The following APBB2 variants were observed in gnomAD, a reference collection of about 807,000 sequenced individuals.
APBB2 encodes the protein amyloid beta precursor protein binding family B member 2, also known as Fe65-like 1.
A neutral mutation model predicts 82.5 loss-of-function variants in APBB2; 38 were observed. The ratio of observed to expected loss-of-function variants is 0.46; its 90% CI spans 0.36 to 0.60. The LOEUF (loss-of-function observed/expected upper bound fraction) is 0.60. APBB2 is among the 20% of genes least tolerant of loss of function. The pLI, the probability that APBB2 is intolerant of heterozygous loss-of-function variation, is 0.00. For missense variants in APBB2, 772 were observed against 972.3 expected (o/e 0.79, Z 2.74); for synonymous variants, 341 against 368.2 (o/e 0.93, Z 0.85).
At chr4:40,969,085 G>A (rs1291641122) in intron 6 of APBB2, among the ~76,000 whole-genome samples, 1 of 152,178 alleles carries the variant, frequency 6.6e-6, no homozygotes, top group Non-Finnish European at 1.5e-5. Flanking sequence ...ATGGAACTGT[G>A]AGTCCACTAA....
intron 3 of APBB2, among the ~76,000 whole-genome samples, chr4:41,071,316 T>C (rs148688268): frequency 4.5e-4 from 68 of 152,366 alleles, no homozygotes; most frequent in Non-Finnish European, 8.5e-4. Context: ...TAATATATTC[T>C]ATAATTCAAT....
intron 12 of APBB2, among the ~76,000 whole-genome samples, chr4:40,867,960 G>A (rs1439043104): frequency 2.0e-5 from 3 of 150,952 alleles, no homozygotes; most frequent in Admixed American, 2.0e-4. Context: ...TCCTCCTAGG[G>A]TCTTGAAAGG....
At chr4:40,906,875 G>C (rs1436452852) in intron 10 of APBB2, among the ~76,000 whole-genome samples, 1 of 152,148 alleles carries the variant, frequency 6.6e-6, no homozygotes, top group Non-Finnish European at 1.5e-5. Flanking sequence ...GTGGCAGAAA[G>C]GAGTGTCCCA....
chr4:40,898,880 C>CACAG (rs148917018), intron 10 of APBB2, among the ~76,000 whole-genome samples: 25,210 of 149,380 alleles, frequency 0.17, 2,208 homozygotes, highest in African/African-American at 0.2. Context: ...CACACACACA[C>CACAG]AGAACACTGG....
At chr4:40,927,230 G>C (rs1262215144) in intron 10 of APBB2, among the ~76,000 whole-genome samples, 1 of 152,064 alleles carries the variant, frequency 6.6e-6, no homozygotes, top group Non-Finnish European at 1.5e-5. Context: ...AAAGAACAAG[G>C]TTCTAAAAAC....
chr4:41,210,239 T>C (rs547641047), intron 1 of APBB2, among the ~76,000 whole-genome samples: 88 of 152,220 alleles, frequency 5.8e-4, no homozygotes, highest in African/African-American at 2.1e-3. Context: ...ACCTCTCTCC[T>C]CGAATGGCTG....
intron 6 of APBB2, among the ~76,000 whole-genome samples, chr4:40,957,149 T>G (rs771430198): frequency 6.6e-6 from 1 of 152,232 alleles, no homozygotes; most frequent in Admixed American, 6.5e-5. Flanking sequence ...GCCGGGCACA[T>G]AGTAATCACT....
chr4:40,962,308 G>A (rs1416125180), intron 6 of APBB2, among the ~76,000 whole-genome samples: 2 of 152,048 alleles, frequency 1.3e-5, no homozygotes, highest in African/African-American at 4.8e-5. Flanking sequence ...CAAAATTCCA[G>A]GAAAGAACCA....
At chr4:40,824,583 G>C (rs1249816971) in intron 15 of APBB2, among the ~76,000 whole-genome samples, 1 of 152,050 alleles carries the variant, frequency 6.6e-6, no homozygotes, top group African/African-American at 2.4e-5. Context: ...AGCCTCCCAG[G>C]CTCAGATGAT....
chr4:41,094,854 C>T (rs544008244), intron 3 of APBB2, among the ~76,000 whole-genome samples: 35 of 152,268 alleles, frequency 2.3e-4, no homozygotes, highest in African/African-American at 7.7e-4. Flanking sequence ...GATGAGCCAC[C>T]GCACCCAGCC....
Position 40,814,950 on chromosome 4 carries a change from A to AGG in APBB2, c.*1141_*1142insCC, listed in dbSNP as rs1437156327. 1.3e-5 allele frequency: 2 copies of AGG among 152,250 alleles called. No homozygotes were observed. Among genetic ancestry groups the AGG allele is most frequent in the South Asian group, 4.1e-4 (2 of 4,834 alleles). The allele number at this position is 152,250 out of a possible 1,614,324, so 9.4% of individuals were successfully genotyped here. ...CAACAAATTCTAATATTAAATACAT[A>AGG]AAATCAAGGAAAGGTTCAACCTAAT... On this transcript the variant is annotated 3_prime_UTR_variant, in exon 18 of 18. Coordinates refer to ENST00000508593, the MANE Select transcript of APBB2 (RefSeq NM_004307.2).
At chr4:40,816,300 T>C (rs1745617645) in intron 17 of APBB2, 41 bp from the exon 18 acceptor site, 3 of 1,605,890 alleles carry the variant, frequency 1.9e-6, no homozygotes, top group Non-Finnish European at 2.6e-6. Flanking sequence ...ATTAACAACA[T>C]ATTATTTCAT....
In APBB2 at chr4:40,976,981, C is replaced by G. The variant is rs895856128; in HGVS notation, c.836-31908G>C. ...GGAGGATCACTTGAGCCCAGGAGGT[C>G]GAGGCTACAGTGAGCTATGATTGAG... On this transcript the variant is annotated intron_variant, in intron 6 of 17. Transcript: ENST00000508593. Among the ~76,000 whole-genome samples the G allele has an allele frequency of 4.0e-5, 6 of 151,874 alleles. No individual in the cohort carries two copies. In the South Asian group the frequency reaches 1.0e-3, roughly 26 times the overall value.
chr4:41,009,445 T>C (rs1002431350), intron 6 of APBB2, among the ~76,000 whole-genome samples: 5 of 152,156 alleles, frequency 3.3e-5, no homozygotes, highest in African/African-American at 9.7e-5. Flanking sequence ...ACATGATTGA[T>C]TGTACAAAAA....
chr4:41,176,365 A>ATT (rs113468337), intron 1 of APBB2, among the ~76,000 whole-genome samples: 2 of 151,184 alleles, frequency 1.3e-5, no homozygotes, highest in African/African-American at 4.9e-5. Flanking sequence ...TAAAGAATGT[A>ATT]TTTTTTTTTA....
chr4:41,037,054 G>T (rs181957009), intron 4 of APBB2, among the ~76,000 whole-genome samples: 13 of 152,156 alleles, frequency 8.5e-5, no homozygotes, highest in African/African-American at 3.1e-4. Flanking sequence ...AAAAGGTAGC[G>T]CAACCGACAA....
intron 3 of APBB2, among the ~76,000 whole-genome samples, chr4:41,068,077 T>C (rs924415223): frequency 1.3e-5 from 2 of 152,140 alleles, no homozygotes; most frequent in African/African-American, 4.8e-5. Context: ...AGAAGGAAAG[T>C]ACAGTAGCTC....
At position 41,014,286 on chromosome 4, in the gene APBB2, G is replaced by A; in HGVS notation, c.132C>T (p.Ser44=). 6.2e-7 allele frequency: 1 copy of A among 1,614,136 alleles called. No individual in the cohort carries two copies. The highest frequency in any genetic ancestry group is 8.5e-7 in the Non-Finnish European group (1 of 1,180,040). ...TTTCAGCGTTCAACAGTTCATTGTG[G>A]GAGGATCGGAGGTTAAGGGTGTTTG... ...TPPNTLNLRS[S]HNELLNAEIK... Residue 44 remains serine (S), a synonymous_variant, in exon 6 of 18, where the codon TCC becomes TCT. Coordinates refer to ENST00000508593, the MANE Select transcript of APBB2 (RefSeq NM_004307.2).
At chr4:41,049,710 A>C (rs1725235438) in intron 4 of APBB2, among the ~76,000 whole-genome samples, 1 of 152,242 alleles carries the variant, frequency 6.6e-6, no homozygotes, top group Admixed American at 6.5e-5. Context: ...ATGTGGGGAA[A>C]AGATACAGAA....
Sources: allele counts gnomAD v4.1 joint callset (sites outside exome capture counted in the v4.1 genomes callset), GRCh38; gene constraint gnomAD v4.1.1; transcripts MANE v1.5; gene names NCBI Gene and HGNC (gene_info 2026-07-23, HGNC 2026-07-21).